ANKRD46: variants seen among roughly 807,000 people sequenced by gnomAD.
The protein encoded by ANKRD46 is ankyrin repeat domain-containing protein 46.
ANKRD46 carries 13 observed loss-of-function variants against 19.8 expected under a neutral mutation model. The ratio of observed to expected loss-of-function variants is 0.66; its 90% confidence interval spans 0.43 to 1.04. The LOEUF (loss-of-function observed/expected upper bound fraction) is 1.04. Among genes scored for constraint, ANKRD46 ranks in the 50% least tolerant of loss-of-function variants. The pLI is 0.00. For missense variants in ANKRD46, 185 were observed against 274.8 expected, an observed-to-expected ratio of 0.67 and a Z score of 2.31; for synonymous variants, 91 against 106.9, an observed-to-expected ratio of 0.85 and a Z score of 0.92.
chr8:100,539,157 A>T (rs1812124341), intron 1 of ANKRD46, among the ~76,000 whole-genome samples: 1 of 152,220 alleles, frequency 6.6e-6, no homozygotes, highest in Non-Finnish European at 1.5e-5. Context: ...TTTATGGTTC[A>T]TCCTAAACTA....
At chr8:100,514,290 T>C (rs531064441) in intron 5 of ANKRD46, among the ~76,000 whole-genome samples, 6 of 152,296 alleles carry the variant, frequency 3.9e-5, no homozygotes, top group South Asian at 2.1e-4. Flanking sequence ...AGGAAAACCA[T>C]TGAAATTTGC....
At chr8:100,538,742 T>C (rs548329459) in intron 1 of ANKRD46, among the ~76,000 whole-genome samples, 1 of 152,176 alleles carries the variant, frequency 6.6e-6, no homozygotes, top group South Asian at 2.1e-4. Context: ...GTAAACATAA[T>C]GAAGCCTGCT....
Position 100,510,661 on chromosome 8 carries a change from A to T in ANKRD46, c.637-22T>A. On this transcript the variant is annotated intron_variant, in intron 5 of 5. Transcript: ENST00000520552. This position sits in a 1 kb window ranked among gnomAD's most constrained non-coding sequence, Gnocchi z 4.9. ...TTCTCTGTAAATGTGGGGAAGACAG[A>T]TTAAAAAAAAAAAAAAATCCCAGTT... The T allele has an allele frequency of 6.6e-7, 1 of 1,510,692 alleles. No individual in the cohort carries two copies. The highest frequency in any genetic ancestry group is 8.8e-7 in the Non-Finnish European group (1 of 1,130,402). The allele number at this position is 1,510,692 out of a possible 1,614,324, so 93.6% of individuals were successfully genotyped here.
At chr8:100,526,375 G>A (rs1811843121) in intron 4 of ANKRD46, among the ~76,000 whole-genome samples, 1 of 152,168 alleles carries the variant, frequency 6.6e-6, no homozygotes, top group Non-Finnish European at 1.5e-5. Flanking sequence ...TCATGGTAAA[G>A]AAGCTTAAAG....
rs191929622 is a variant in ANKRD46 at position 100,511,588 on chromosome 8, A to G, written c.637-949T>C. On this transcript the variant is annotated intron_variant, in intron 5 of 5. Transcript: ENST00000520552. The surrounding 1 kb of genome is among the most constrained non-coding windows in gnomAD (Gnocchi z 4.1). ...TAAATGACAAAAAAAAATCATATAC[A>G]CATACCTATTTTAAAAGGTTGACAT... 6.6e-6 allele frequency among the ~76,000 whole-genome samples: 1 copy of G among 152,278 alleles called. No individual in the cohort carries two copies. Among genetic ancestry groups the G allele is most frequent in the African/African-American group, 2.4e-5 (1 of 41,554 alleles).
rs968502607 is a variant in ANKRD46, at chr8:100,550,864, TAA to T, written c.-131+8845_-131+8846del. The T allele has an allele frequency of 2.6e-5, 13 of 504,406 alleles. No individual in the cohort carries two copies. Among genetic ancestry groups the T allele is most frequent in the African/African-American group, 2.5e-4 (13 of 51,496 alleles). 31.2% of individuals were successfully genotyped at this position (504,406 alleles called of 1,614,324 possible). A position where few individuals can be genotyped will look rare whatever the true frequency, so the allele number is the denominator to read the frequency against. Reference sequence around the variant, plus strand: ...AAAGTGGAAGAGTGAGTGTCACTGTTAAAGTCAGAGGAAACAACCTGGTGTTC... The same window carrying T: ...AAAGTGGAAGAGTGAGTGTCACTGTTAGTCAGAGGAAACAACCTGGTGTTC... On this transcript the variant is annotated intron_variant, in intron 1 of 4. Coordinates refer to ENST00000335659, the MANE Select transcript of ANKRD46 (RefSeq NM_001270377.2). This position sits in a 1 kb window ranked among gnomAD's most constrained non-coding sequence, Gnocchi z 4.4.
rs959996669 is a variant in ANKRD46 at position 100,521,616 on chromosome 8, C to G, written c.*939G>C. On this transcript the variant is annotated 3_prime_UTR_variant, in exon 5 of 5. Coordinates refer to ENST00000335659, the MANE Select transcript of ANKRD46 (RefSeq NM_001270377.2). ...ATGGATGGGATTGTTAAAAGTCTAACAGGGCCTCCAAATAGGATTGCACAT... is the reference window on the plus strand; with the variant it reads ...ATGGATGGGATTGTTAAAAGTCTAAGAGGGCCTCCAAATAGGATTGCACAT... The G allele has an allele frequency of 1.0e-6, 1 of 985,328 alleles. No individual in the cohort carries two copies. Among genetic ancestry groups the G allele is most frequent in the African/African-American group, 1.7e-5 (1 of 57,258 alleles). 61.0% of individuals were successfully genotyped at this position (985,328 alleles called of 1,614,324 possible).
intron 2 of ANKRD46, among the ~76,000 whole-genome samples, chr8:100,530,333 G>T (rs532757011): frequency 2.0e-5 from 3 of 152,094 alleles, no homozygotes; most frequent in Non-Finnish European, 2.9e-5. Context: ...AAAACTACTT[G>T]CATGAAAAGA....
At chr8:100,516,193 C>G (rs1355375178), downstream of ANKRD46, among the ~76,000 whole-genome samples, 1 of 152,184 alleles carries the variant, frequency 6.6e-6, no homozygotes, top group Non-Finnish European at 1.5e-5. Flanking sequence ...GTTCATTTTT[C>G]AGGCTTCATT....
downstream of ANKRD46, among the ~76,000 whole-genome samples, chr8:100,518,944 T>C (rs980648885): frequency 6.6e-6 from 1 of 152,214 alleles, no homozygotes; most frequent in Non-Finnish European, 1.5e-5. Context: ...GGTTCAGATA[T>C]CTAAAATTGT....
downstream of ANKRD46, among the ~76,000 whole-genome samples, chr8:100,520,599 C>T (rs912719301): frequency 7.9e-5 from 12 of 152,004 alleles, no homozygotes; most frequent in African/African-American, 2.9e-4. Flanking sequence ...GCAATTCACT[C>T]AAATTAATTT....
In ANKRD46 at chr8:100,510,443, A is replaced by C. The variant is rs1309064177; in HGVS notation, c.*134T>G. On this transcript the variant is annotated 3_prime_UTR_variant, in exon 6 of 6. Coordinates refer to the ANKRD46 transcript ENST00000520552. The surrounding 1 kb of genome is among the most constrained non-coding windows in gnomAD (Gnocchi z 4.9). ...TGGTAGCAGGTCCCTCTGCCTCCTA[A>C]CTGCAGAGCTTTGAGATGATGCTCC... 1 of 806,802 alleles carries C rather than the reference A, an allele frequency of 1.2e-6. No homozygotes were observed. The highest frequency in any genetic ancestry group is 1.8e-6 in the Non-Finnish European group (1 of 552,964). 50.0% of individuals were successfully genotyped at this position (806,802 alleles called of 1,614,324 possible). A position where few individuals can be genotyped will look rare whatever the true frequency, so the allele number is the denominator to read the frequency against.
chr8:100,519,793 G>A (rs947143575), downstream of ANKRD46, among the ~76,000 whole-genome samples: 2 of 152,298 alleles, frequency 1.3e-5, no homozygotes, highest in Middle Eastern at 3.4e-3. Context: ...CGTTCATGAA[G>A]CTACAGGCGC....
Position 100,557,363 on chromosome 8 carries a change from C to A in ANKRD46, c.-131+2348G>T, listed in dbSNP as rs1186975768. Among the ~76,000 whole-genome samples, 1 of 152,216 alleles carries A rather than the reference C, an allele frequency of 6.6e-6. No homozygotes were observed. The highest frequency in any genetic ancestry group is 1.9e-4 in the East Asian group (1 of 5,200). Reference sequence around the variant, plus strand: ...AGCACATCCAAACCATAAGCAAATCCTATCAGCAATACTCAGAATACGACG... The same window carrying A: ...AGCACATCCAAACCATAAGCAAATCATATCAGCAATACTCAGAATACGACG... On this transcript the variant is annotated intron_variant, in intron 1 of 4. Transcript: ENST00000335659. This position sits in a 1 kb window ranked among gnomAD's most constrained non-coding sequence, Gnocchi z 5.9.
rs1811785824 is a variant in ANKRD46, at chr8:100,524,028, C to T, written c.471-1257G>A. Among the ~76,000 whole-genome samples, 1 of 152,180 alleles carries T rather than the reference C, an allele frequency of 6.6e-6. No homozygotes were observed. The highest frequency in any genetic ancestry group is 2.1e-4 in the South Asian group (1 of 4,838). ...AAGACAGAATATGTTCATTTCTCTTCTGCATAAAGGCTAGTCTAGTTGAAA... is the reference window on the plus strand; with the variant it reads ...AAGACAGAATATGTTCATTTCTCTTTTGCATAAAGGCTAGTCTAGTTGAAA... On this transcript the variant is annotated intron_variant, in intron 4 of 4. Transcript: ENST00000335659. The surrounding 1 kb of genome is among the most constrained non-coding windows in gnomAD (Gnocchi z 4.3).
rs151124288 is a variant in ANKRD46, at chr8:100,545,696, C to T, written c.-130-12385G>A. 3.1e-3 allele frequency among the ~76,000 whole-genome samples: 475 copies of T among 152,236 alleles called. 4 individuals are homozygous for T. Among genetic ancestry groups the T allele is most frequent in the African/African-American group, 0.011 (458 of 41,542 alleles). On this transcript the variant is annotated intron_variant, in intron 1 of 4. Transcript: ENST00000335659. The surrounding 1 kb of genome is among the most constrained non-coding windows in gnomAD (Gnocchi z 4.7). ...ACTGGGTAACAGGCAAAGGTTGGAACAGTTTGGGGGGCTCAGAAGATATGG... is the reference window on the plus strand; with the variant it reads ...ACTGGGTAACAGGCAAAGGTTGGAATAGTTTGGGGGGCTCAGAAGATATGG...
chr8:100,537,233 T>C lies in ANKRD46; in HGVS notation c.-130-3922A>G, dbSNP rs2130675202. Among the ~76,000 whole-genome samples the C allele has an allele frequency of 6.6e-6, 1 of 152,320 alleles. No homozygotes were observed. Among genetic ancestry groups the C allele is most frequent in the Middle Eastern group, 3.4e-3 (1 of 294 alleles). On this transcript the variant is annotated intron_variant, in intron 1 of 4. Transcript: ENST00000335659. The surrounding 1 kb of genome is among the most constrained non-coding windows in gnomAD (Gnocchi z 4.2). ...AATATCAACAAGAATACATAATAGA[T>C]GGATTTTTCATTTTGAAAGGCCATT...
intron 4 of ANKRD46, 62 bp from the exon 5 acceptor site, chr8:100,522,833 A>C: frequency 7.2e-7 from 1 of 1,386,740 alleles, no homozygotes; most frequent in Non-Finnish European, 1.0e-6. Context: ...AAAACATAAA[A>C]CCACAGGGCT....
At chr8:100,516,315 A>C (rs1277684402), downstream of ANKRD46, among the ~76,000 whole-genome samples, 1 of 152,246 alleles carries the variant, frequency 6.6e-6, no homozygotes, top group Non-Finnish European at 1.5e-5. Flanking sequence ...ACACAGAAAG[A>C]CACAAATAAG....
Sources: gnomAD v4.1 joint callset for allele counts (sites outside exome capture counted in the v4.1 genomes callset) on GRCh38, gnomAD v4.1.1 for gene constraint, Gnocchi (gnomAD v3.1) non-coding constraint, MANE v1.5 for transcripts, NCBI Gene and HGNC (gene_info 2026-07-23, HGNC 2026-07-21) for gene names.